The following PPP2R2B variants were observed in gnomAD, a reference collection of about 807,000 sequenced individuals.
The protein encoded by PPP2R2B is serine/threonine-protein phosphatase 2A 55 kDa regulatory subunit B beta isoform.
Under a neutral mutation model 46.0 loss-of-function variants are expected in PPP2R2B, and 5 were observed. The observed-to-expected ratio is 0.11, with a 90% confidence interval of 0.06 to 0.23. The LOEUF (loss-of-function observed/expected upper bound fraction) is 0.23. PPP2R2B is among the 10% of genes least tolerant of loss of function. PPP2R2B has a pLI of 1.00. For synonymous variants in PPP2R2B, 215 were observed against 206.7 expected (o/e 1.04, Z -0.34); for missense variants, 367 against 575.0 (o/e 0.64, Z 3.70).
At chr5:146,972,707 A>T (rs572413296) in intron 1 of PPP2R2B, among the ~76,000 whole-genome samples, 178 of 152,280 alleles carry the variant, frequency 1.2e-3, no homozygotes, top group African/African-American at 4.1e-3. Context: ...GTAAGACTCC[A>T]TCTCAAAAAA....
intron 2 of PPP2R2B, among the ~76,000 whole-genome samples, chr5:146,844,370 TA>T (rs374625813): frequency 2.3e-4 from 31 of 136,188 alleles, no homozygotes; most frequent in Middle Eastern, 3.6e-3. Flanking sequence ...AAAAAAACAT[TA>T]AAAAAAAATA....
chr5:146,982,973 A>G (rs1753242827), intron 1 of PPP2R2B, among the ~76,000 whole-genome samples: 1 of 152,074 alleles, frequency 6.6e-6, no homozygotes, highest in Admixed American at 6.6e-5. Context: ...CGTTTTCTCA[A>G]TTAACTCTGC....
chr5:146,722,474 C>G (rs770058968), intron 2 of PPP2R2B, among the ~76,000 whole-genome samples: 3 of 152,098 alleles, frequency 2.0e-5, no homozygotes, highest in Non-Finnish European at 4.4e-5. Context: ...CAAAGCTGCC[C>G]CAGGAAACAA....
chr5:146,785,699 A>G (rs1755790478), intron 2 of PPP2R2B, among the ~76,000 whole-genome samples: 1 of 152,244 alleles, frequency 6.6e-6, no homozygotes. Flanking sequence ...ATTTTTAAAA[A>G]GTCAGATAAG....
At chr5:146,739,986 C>T (rs941407590) in intron 2 of PPP2R2B, among the ~76,000 whole-genome samples, 9 of 152,102 alleles carry the variant, frequency 5.9e-5, no homozygotes, top group East Asian at 3.9e-4. Context: ...AATGTGGGTG[C>T]GAATATGTGC....
At chr5:146,702,389 A>T (rs1779593953) in intron 2 of PPP2R2B, among the ~76,000 whole-genome samples, 1 of 152,222 alleles carries the variant, frequency 6.6e-6, no homozygotes, top group African/African-American at 2.4e-5. Context: ...TTCAAGCTAG[A>T]CACATTTAAA....
At position 146,584,518 on chromosome 5, in the gene PPP2R2B, C is replaced by G. The variant is rs1444725479; in HGVS notation, c.*5429G>C. 6.6e-6 allele frequency: 1 copy of G among 152,176 alleles called. No homozygotes were observed. Among genetic ancestry groups the G allele is most frequent in the Non-Finnish European group, 1.5e-5 (1 of 68,044 alleles). The allele number at this position is 152,176 out of a possible 1,614,324, so 9.4% of individuals were successfully genotyped here. On this transcript the variant is annotated 3_prime_UTR_variant, in exon 10 of 10. Coordinates refer to ENST00000394411, the MANE Select transcript of PPP2R2B (RefSeq NM_181675.4). ...GATGGAAGAAGTATAGGATCTGGAA[C>G]AGGATAGATCTAGATAAAACTTCCT...
intron 2 of PPP2R2B, among the ~76,000 whole-genome samples, chr5:146,721,802 T>A (rs369808593): frequency 1.3e-5 from 2 of 152,212 alleles, no homozygotes; most frequent in South Asian, 2.1e-4. Flanking sequence ...CACGCATACC[T>A]CTTAAGTAGC....
intron 5 of PPP2R2B, among the ~76,000 whole-genome samples, chr5:146,656,120 G>A (rs529267739): frequency 6.6e-6 from 1 of 152,310 alleles, no homozygotes; most frequent in South Asian, 2.1e-4. Context: ...ACTCTCTGTG[G>A]TACATAAGTT....
intron 2 of PPP2R2B, among the ~76,000 whole-genome samples, chr5:146,798,728 A>G (rs1756687210): frequency 6.6e-6 from 1 of 152,230 alleles, no homozygotes; most frequent in African/African-American, 2.4e-5. Context: ...TGCTTGGATT[A>G]TCTCTTTGAA....
intron 1 of PPP2R2B, among the ~76,000 whole-genome samples, chr5:146,890,229 G>A (rs918984355): frequency 6.6e-6 from 1 of 152,234 alleles, no homozygotes; most frequent in Non-Finnish European, 1.5e-5. Context: ...AAGTAACACA[G>A]TTCCTCTTTT....
intron 7 of PPP2R2B, among the ~76,000 whole-genome samples, chr5:146,609,613 T>C (rs1362768482): frequency 2.0e-5 from 3 of 148,752 alleles, no homozygotes; most frequent in Non-Finnish European, 3.0e-5. Context: ...TGCCAGACAG[T>C]GGGCGCAGGC....
At chr5:146,864,989 C>A (rs2151399881) in intron 2 of PPP2R2B, among the ~76,000 whole-genome samples, 1 of 152,244 alleles carries the variant, frequency 6.6e-6, no homozygotes, top group South Asian at 2.1e-4. Context: ...CATAATTGTT[C>A]ATACCATTTA....
intron 1 of PPP2R2B, among the ~76,000 whole-genome samples, chr5:146,951,464 A>C (rs1169058341): frequency 6.6e-6 from 1 of 151,976 alleles, no homozygotes; most frequent in Non-Finnish European, 1.5e-5. Flanking sequence ...CCTAAGTATT[A>C]AGCCCGGTAT....
intron 7 of PPP2R2B, among the ~76,000 whole-genome samples, chr5:146,631,794 CTGGTCCTT>C (rs564636393): frequency 2.4e-4 from 36 of 152,318 alleles, no homozygotes; most frequent in African/African-American, 8.2e-4. Context: ...TTCTATCATC[CTGGTCCTT>C]TGGTCCTTTG....
chr5:146,699,993 T>C (rs762922123), intron 3 of PPP2R2B, among the ~76,000 whole-genome samples: 5 of 152,184 alleles, frequency 3.3e-5, no homozygotes, highest in Non-Finnish European at 7.4e-5. Context: ...CCTGATTTAA[T>C]GCTGAACACT....
intron 1 of PPP2R2B, among the ~76,000 whole-genome samples, chr5:147,021,115 T>A (rs1755242477): frequency 6.6e-6 from 1 of 152,160 alleles, no homozygotes; most frequent in South Asian, 2.1e-4. Context: ...TGCAAACAAC[T>A]AGAAAACTGT....
At chr5:146,606,357 G>C (rs1014141477) in intron 7 of PPP2R2B, among the ~76,000 whole-genome samples, 6 of 152,202 alleles carry the variant, frequency 3.9e-5, no homozygotes, top group African/African-American at 1.2e-4. Flanking sequence ...TGTTCACTCT[G>C]TCTTAGATGG....
chr5:147,016,515 C>G (rs546179951), intron 1 of PPP2R2B, among the ~76,000 whole-genome samples: 27 of 9,820 alleles, frequency 2.7e-3, no homozygotes, highest in Non-Finnish European at 5.5e-3. Flanking sequence ...TAAAAAATAT[C>G]CACCTAAGCT....
Sources: allele counts gnomAD v4.1 joint callset (sites outside exome capture counted in the v4.1 genomes callset), GRCh38; gene constraint gnomAD v4.1.1; transcripts MANE v1.5; gene names NCBI Gene and HGNC (gene_info 2026-07-23, HGNC 2026-07-21).